HVCN1: variants seen among roughly 807,000 people sequenced by gnomAD.
HVCN1 encodes hydrogen voltage gated channel 1.
HVCN1 carries 14 observed loss-of-function variants against 29.2 expected under a neutral mutation model. The observed-to-expected ratio is 0.48, with a 90% CI of 0.32 to 0.75. The LOEUF (loss-of-function observed/expected upper bound fraction) is 0.75. Among genes scored for constraint, HVCN1 ranks in the 30% least tolerant of loss-of-function variants. The probability of loss-of-function intolerance (pLI) is 0.04; values close to 1 mark genes in which losing one functional copy is unlikely to be tolerated. For synonymous variants in HVCN1, 131 were observed against 133.2 expected (o/e 0.98, Z 0.11); for missense variants, 263 against 341.8 (o/e 0.77, Z 1.82).
At chr12:110,649,721 C>T (rs1170409994) in intron 7 of HVCN1, among the ~76,000 whole-genome samples, 1 of 152,236 alleles carries the variant, frequency 6.6e-6, no homozygotes, top group Non-Finnish European at 1.5e-5. Flanking sequence ...GGCACAGCTT[C>T]AGGGAGGATG....
intron 5 of HVCN1, among the ~76,000 whole-genome samples, chr12:110,651,906 G>A (rs764058820): frequency 6.6e-6 from 1 of 152,148 alleles, no homozygotes; most frequent in Non-Finnish European, 1.5e-5. Flanking sequence ...GTGGTGGCTC[G>A]AGCCAATAGT....
chr12:110,699,731 C>T (rs114090434), intron 2 of HVCN1, among the ~76,000 whole-genome samples: 119 of 152,208 alleles, frequency 7.8e-4, no homozygotes, highest in African/African-American at 2.6e-3. Context: ...GGCGCTGCGC[C>T]GGGCACATGA....
chr12:110,696,124 T>G (rs1422765470), intron 2 of HVCN1, among the ~76,000 whole-genome samples: 1 of 151,708 alleles, frequency 6.6e-6, no homozygotes, highest in Non-Finnish European at 1.5e-5. Context: ...AGCTAATTTT[T>G]TTTTTTTTCA....
At chr12:110,675,492 C>G (rs1169819205) in intron 3 of HVCN1, among the ~76,000 whole-genome samples, 1 of 152,102 alleles carries the variant, frequency 6.6e-6, no homozygotes, top group African/African-American at 2.4e-5. Context: ...AAAATAAAAT[C>G]ATAAGTAAGT....
intron 4 of HVCN1, among the ~76,000 whole-genome samples, chr12:110,657,508 GAAAA>G (rs529473919): frequency 6.9e-5 from 6 of 87,146 alleles, no homozygotes; most frequent in African/African-American, 2.2e-4. Flanking sequence ...AAAGAAAAAA[GAAAA>G]AAAAAAAAAA....
chr12:110,698,512 G>A (rs2136511784), intron 2 of HVCN1, among the ~76,000 whole-genome samples: 1 of 152,332 alleles, frequency 6.6e-6, no homozygotes, highest in South Asian at 2.1e-4. Flanking sequence ...AGCCGCTGCA[G>A]CACTGGAGCA....
upstream of HVCN1, among the ~76,000 whole-genome samples, chr12:110,690,321 T>C (rs2069375284): frequency 6.6e-6 from 1 of 152,192 alleles, no homozygotes; most frequent in Admixed American, 6.5e-5. Context: ...TAGCCACATG[T>C]GCAAAGTCCC....
intron 3 of HVCN1, among the ~76,000 whole-genome samples, chr12:110,673,099 C>T (rs531805698): frequency 8.5e-5 from 13 of 152,280 alleles, no homozygotes; most frequent in Admixed American, 2.6e-4. Flanking sequence ...TGTGGGAAAG[C>T]GTGGAACTTC....
intron 1 of HVCN1, among the ~76,000 whole-genome samples, chr12:110,703,160 G>A (rs1361513342): frequency 4.0e-5 from 6 of 149,306 alleles, no homozygotes; most frequent in Non-Finnish European, 5.9e-5. Context: ...ATTTGAGCCC[G>A]GGAGTTTGAG....
chr12:110,698,769 C>T (rs981014012), intron 2 of HVCN1, among the ~76,000 whole-genome samples: 8 of 152,194 alleles, frequency 5.3e-5, no homozygotes, highest in East Asian at 1.9e-4. Flanking sequence ...TCCCTCCTTC[C>T]GTTTTTGAGA....
At chr12:110,651,195 C>T (rs1454978881) in intron 6 of HVCN1, 22 bp downstream of exon 6, 2 of 1,561,230 alleles carry the variant, frequency 1.3e-6, no homozygotes, top group Non-Finnish European at 1.8e-6. Context: ...CCATCCACAG[C>T]CTGGGAGTGC....
chr12:110,649,402 G>A lies in HVCN1; in HGVS notation c.*8C>T. ...AGTGTCTTCTTTTTGAGGGGAGCTG[G>A]TCCGGGTCTAGTTCACTTCACCAAG... On this transcript the variant is annotated 3_prime_UTR_variant, in exon 8 of 8. Coordinates refer to ENST00000242607, the MANE Select transcript of HVCN1 (RefSeq NM_032369.4). The A allele has an allele frequency of 6.2e-7, 1 of 1,605,094 alleles. No individual in the cohort carries two copies. Among genetic ancestry groups the A allele is most frequent in the Non-Finnish European group, 8.5e-7 (1 of 1,173,488 alleles).
chr12:110,678,954 G>A (rs2068849892), intron 3 of HVCN1, among the ~76,000 whole-genome samples: 1 of 152,168 alleles, frequency 6.6e-6, no homozygotes, highest in African/African-American at 2.4e-5. Flanking sequence ...TTACAAAAGT[G>A]TAGAAAGAAA....
chr12:110,655,181 A>C lies in HVCN1; in HGVS notation c.411+53T>G, dbSNP rs967045294. The C allele has an allele frequency of 8.6e-6, 12 of 1,401,064 alleles. No homozygotes were observed. The African/African-American group carries it at 1.6e-4, about 18-fold the overall frequency. 86.8% of individuals were successfully genotyped at this position (1,401,064 alleles called of 1,614,324 possible). A position where few individuals can be genotyped will look rare whatever the true frequency, so the allele number is the denominator to read the frequency against. On this transcript the variant is annotated intron_variant, in intron 5 of 7. Transcript: ENST00000242607. ...TCCACTCTGCACCCCGTCTGTGCAGATAACACAAGCAAAACATATCAGTAA... is the reference window on the plus strand; with the variant it reads ...TCCACTCTGCACCCCGTCTGTGCAGCTAACACAAGCAAAACATATCAGTAA...
chr12:110,684,367 T>TG (rs1175040558), intron 2 of HVCN1, among the ~76,000 whole-genome samples: 4 of 152,162 alleles, frequency 2.6e-5, no homozygotes, highest in African/African-American at 9.7e-5. Context: ...TCACTCCAAT[T>TG]GAAAAAAGAC....
intron 1 of HVCN1, among the ~76,000 whole-genome samples, chr12:110,704,515 A>C (rs1208245813): frequency 6.6e-6 from 1 of 151,738 alleles, no homozygotes; most frequent in African/African-American, 2.4e-5. Context: ...AAAATTAGCC[A>C]GGTGTGGTAG....
intron 3 of HVCN1, among the ~76,000 whole-genome samples, chr12:110,670,875 T>G (rs777301704): frequency 6.6e-6 from 1 of 152,126 alleles, no homozygotes; most frequent in Non-Finnish European, 1.5e-5. Context: ...GGGCCCTAAA[T>G]CTGGTGATTG....
At chr12:110,678,044 C>T (rs1417160156) in intron 3 of HVCN1, among the ~76,000 whole-genome samples, 1 of 152,234 alleles carries the variant, frequency 6.6e-6, no homozygotes, top group Non-Finnish European at 1.5e-5. Context: ...ATTTTCTGAG[C>T]TCTGTGCAAA....
Position 110,649,233 on chromosome 12 carries a change from TTGG to T in HVCN1, c.*174_*176del, listed in dbSNP as rs1274820649. The T allele has an allele frequency of 1.5e-6, 1 of 672,448 alleles. No individual in the cohort carries two copies. Among genetic ancestry groups the T allele is most frequent in the African/African-American group, 1.8e-5 (1 of 55,598 alleles). The allele number at this position is 672,448 out of a possible 1,614,324, so 41.7% of individuals were successfully genotyped here. On this transcript the variant is annotated 3_prime_UTR_variant, in exon 8 of 8. Transcript: ENST00000242607. ...TGGGGTGGGAGTGGATGGGCAGCTCTTGGTGGTACTGGACCTTCCACAAGGCTG... is the reference window on the plus strand; with the variant it reads ...TGGGGTGGGAGTGGATGGGCAGCTCTTGGTACTGGACCTTCCACAAGGCTG...
Sources: gnomAD v4.1 joint callset for allele counts (sites outside exome capture counted in the v4.1 genomes callset) on GRCh38, gnomAD v4.1.1 for gene constraint, MANE v1.5 for transcripts, NCBI Gene and HGNC (gene_info 2026-07-23, HGNC 2026-07-21) for gene names.